Variants in WFDC6 observed in about 807,000 individuals in gnomAD.
WFDC6 encodes WAP four-disulfide core domain 6.
WFDC6 carries 10 observed loss-of-function variants against 8.2 expected under a neutral mutation model. That is an observed-to-expected ratio of 1.22 (90% confidence interval 0.75 to 2.07). The LOEUF (loss-of-function observed/expected upper bound fraction) is 2.07, where lower values mean the gene tolerates loss of function less well. Ranked by LOEUF, WFDC6 falls within the 30% of genes most tolerant of loss-of-function variation. The pLI, the probability that WFDC6 is intolerant of heterozygous loss-of-function variation, is 0.00. For missense variants in WFDC6, 105 were observed against 104.9 expected (o/e 1.00, Z 0.00); for synonymous variants, 28 against 37.0 (o/e 0.76, Z 0.88).
chr20:45,539,427 G>T lies in WFDC6; in HGVS notation c.-20C>A. The T allele has an allele frequency of 6.2e-7, 1 of 1,610,590 alleles. No homozygotes were observed. Among genetic ancestry groups the T allele is most frequent in the Non-Finnish European group, 8.5e-7 (1 of 1,176,952 alleles). On this transcript the variant is annotated 5_prime_UTR_variant, in exon 1 of 3. Coordinates refer to ENST00000372670, the MANE Select transcript of WFDC6 (RefSeq NM_080827.2). ...TCCCATTTTAGGAAGTACTGGCCTG[G>T]TTGATGGCACCAAAACTAAGAACTG...
At chr20:45,537,442 G>A (rs879233854) in intron 2 of WFDC6, 1 of 1,235,022 alleles carries the variant, frequency 8.1e-7, no homozygotes, top group South Asian at 1.3e-5. Context: ...ATGAACGAAT[G>A]GTCCTTGATG....
intron 2 of WFDC6, chr20:45,535,371 TCCC>T: frequency 1.6e-6 from 2 of 1,262,638 alleles, no homozygotes; most frequent in Admixed American, 2.6e-5. Flanking sequence ...GGTGCCTGTC[TCCC>T]TGGAGAATGT....
At chr20:45,537,463 G>C (rs2047962594) in intron 2 of WFDC6, 1 of 1,383,228 alleles carries the variant, frequency 7.2e-7, no homozygotes, top group East Asian at 2.5e-5. Flanking sequence ...ATCTTCTTTA[G>C]AGCTCAATAA....
chr20:45,538,302 A>ACCC (rs1350972169), intron 1 of WFDC6, among the ~76,000 whole-genome samples: 1 of 151,800 alleles, frequency 6.6e-6, no homozygotes, highest in Non-Finnish European at 1.5e-5. Flanking sequence ...GCCTAAACCA[A>ACCC]CCCCTACCCC....
At position 45,537,601 on chromosome 20, in the gene WFDC6, A is replaced by G. The variant is rs138183824; in HGVS notation, c.222+363T>C. 3.0e-5 allele frequency: 46 copies of G among 1,518,636 alleles called. No individual in the cohort carries two copies. The East Asian group carries it at 9.1e-4, about 30-fold the overall frequency. 94.1% of individuals were successfully genotyped at this position (1,518,636 alleles called of 1,614,324 possible). On this transcript the variant is annotated intron_variant, in intron 2 of 2. Transcript: ENST00000372670. ...GATTATATACCTGTCTCTTATAGCTATCATATAACCTGACACAATGTTGGC... is the reference window on the plus strand; with the variant it reads ...GATTATATACCTGTCTCTTATAGCTGTCATATAACCTGACACAATGTTGGC...
rs926036581 is a variant in WFDC6, at chr20:45,539,478, C to G, written c.-71G>C. Reference sequence around the variant, plus strand: ...CTCCTCAGCAGCTCCTACATCTGCACTTTGCCTGCCCCGGTGTGGCCCAGC... The same window carrying G: ...CTCCTCAGCAGCTCCTACATCTGCAGTTTGCCTGCCCCGGTGTGGCCCAGC... On this transcript the variant is annotated 5_prime_UTR_variant, in exon 1 of 3. Coordinates refer to ENST00000372670, the MANE Select transcript of WFDC6 (RefSeq NM_080827.2). 1.4e-6 allele frequency: 2 copies of G among 1,426,482 alleles called. No homozygotes were observed. Among genetic ancestry groups the G allele is most frequent in the Non-Finnish European group, 9.9e-7 (1 of 1,011,878 alleles). 88.4% of individuals were successfully genotyped at this position (1,426,482 alleles called of 1,614,324 possible).
At chr20:45,537,839 G>T in intron 2 of WFDC6, 125 bp downstream of exon 2, 1 of 1,531,468 alleles carries the variant, frequency 6.5e-7, no homozygotes, top group Non-Finnish European at 8.8e-7. Flanking sequence ...TTTGTGTCAA[G>T]TAGAAGATGT....
At chr20:45,535,150 C>G in intron 2 of WFDC6, 1 of 1,302,266 alleles carries the variant, frequency 7.7e-7, no homozygotes, top group Non-Finnish European at 1.0e-6. Flanking sequence ...ACCGGGACCT[C>G]TGGGACTTAT....
At chr20:45,537,941 A>G in intron 2 of WFDC6, 23 bp downstream of exon 2, 1 of 1,613,728 alleles carries the variant, frequency 6.2e-7, no homozygotes, top group Non-Finnish European at 8.5e-7. Flanking sequence ...GGCACTGGGT[A>G]ATTTAGGAAG....
intron 2 of WFDC6, chr20:45,535,362 G>T: frequency 1.6e-6 from 2 of 1,273,546 alleles, no homozygotes; most frequent in Non-Finnish European, 2.1e-6. Flanking sequence ...AGCTGTTTGG[G>T]TGCCTGTCTC....
chr20:45,537,303 T>G, intron 2 of WFDC6: 2 of 578,420 alleles, frequency 3.5e-6, no homozygotes, highest in South Asian at 2.1e-5. Flanking sequence ...GTCTAAGTAC[T>G]CATCTTTCAG....
chr20:45,539,096 T>C (rs553066444), intron 1 of WFDC6, among the ~76,000 whole-genome samples: 76 of 152,230 alleles, frequency 5.0e-4, no homozygotes, highest in African/African-American at 1.8e-3. Context: ...CAGGAAGAAC[T>C]CTTTGGAATG....
At position 45,534,464 on chromosome 20, in the gene WFDC6, A is replaced by T. The variant is rs772699750; in HGVS notation, c.*3T>A. On this transcript the variant is annotated 3_prime_UTR_variant, in exon 3 of 3. Coordinates refer to ENST00000372670, the MANE Select transcript of WFDC6 (RefSeq NM_080827.2). ...GCCTGGATTATGAGCCAAATCCTGG[A>T]GGTTATTCAAGCTCCTCCTTATGGT... The T allele has an allele frequency of 1.9e-6, 3 of 1,613,894 alleles. No homozygotes were observed. The African/African-American group carries it at 4.0e-5, about 22-fold the overall frequency.
chr20:45,535,242 C>G lies in WFDC6; in HGVS notation c.223-737G>C, dbSNP rs1460138136. The G allele has an allele frequency of 3.1e-6, 4 of 1,304,224 alleles. No homozygotes were observed. The South Asian group carries it at 3.7e-5, about 12-fold the overall frequency. The allele number at this position is 1,304,224 out of a possible 1,614,324, so 80.8% of individuals were successfully genotyped here. ...CCCTGGCTACCGCCATAGATGAATT[C>G]GGAGCAGATCTTAGTTTTTTTTATT... On this transcript the variant is annotated intron_variant, in intron 2 of 2. Coordinates refer to ENST00000372670, the MANE Select transcript of WFDC6 (RefSeq NM_080827.2).
chr20:45,539,311 A>G lies in WFDC6; in HGVS notation c.91+6T>C. 1 of 1,613,518 alleles carries G rather than the reference A, an allele frequency of 6.2e-7. No homozygotes were observed. Among genetic ancestry groups the G allele is most frequent in the Non-Finnish European group, 8.5e-7 (1 of 1,179,610 alleles). ...CCATTGCAAGGACGGAGTTCCCAAT[A>G]CTTACTGCCAAGGATGCCTTCAGCG... On this transcript the variant is annotated splice_donor_region_variant and intron_variant, in intron 1 of 2. Coordinates refer to ENST00000372670, the MANE Select transcript of WFDC6 (RefSeq NM_080827.2).
At chr20:45,538,207 C>T in intron 1 of WFDC6, 113 bp from the exon 2 acceptor site, 1 of 1,558,832 alleles carries the variant, frequency 6.4e-7, no homozygotes, top group Non-Finnish European at 8.7e-7. Context: ...CTTCACCTAT[C>T]CCCAGAAGGT....
chr20:45,536,557 A>C (rs977889171), intron 2 of WFDC6, among the ~76,000 whole-genome samples: 2 of 152,246 alleles, frequency 1.3e-5, no homozygotes, highest in Non-Finnish European at 2.9e-5. Context: ...TCTTGAGGCC[A>C]CACAGATGGT....
chr20:45,535,522 G>A (rs1162001383), intron 2 of WFDC6, among the ~76,000 whole-genome samples: 2 of 152,158 alleles, frequency 1.3e-5, no homozygotes, highest in Non-Finnish European at 2.9e-5. Flanking sequence ...TCATCTGTAA[G>A]ATGAGAATAC....
At chr20:45,538,482 C>T (rs977602728) in intron 1 of WFDC6, among the ~76,000 whole-genome samples, 18 of 152,114 alleles carry the variant, frequency 1.2e-4, no homozygotes, top group African/African-American at 1.9e-4. Context: ...TTCTGTGAGA[C>T]GCTTGGTGTG....
Sources: gnomAD v4.1 joint callset for allele counts (sites outside exome capture counted in the v4.1 genomes callset) on GRCh38, gnomAD v4.1.1 for gene constraint, MANE v1.5 for transcripts, NCBI Gene and HGNC (gene_info 2026-07-23, HGNC 2026-07-21) for gene names.